The following ANO2 variants were observed in gnomAD, a reference collection of about 807,000 sequenced individuals.
ANO2 encodes the protein anoctamin-2.
Under a neutral mutation model 124.2 loss-of-function variants are expected in ANO2, and 101 were observed. That is an observed-to-expected ratio of 0.81 (90% CI 0.69 to 0.96). The LOEUF (loss-of-function observed/expected upper bound fraction) is 0.96, where lower values mean the gene tolerates loss of function less well. Ranked by LOEUF, ANO2 falls within the 40% of genes least tolerant of loss-of-function variation. The pLI is 0.00. For missense variants in ANO2, 1,293 were observed against 1,274.5 expected (o/e 1.01, Z -0.22); for synonymous variants, 486 against 482.5 (o/e 1.01, Z -0.09).
intron 14 of ANO2, among the ~76,000 whole-genome samples, chr12:5,712,143 T>C (rs1366068330): frequency 2.0e-5 from 3 of 152,216 alleles, no homozygotes; most frequent in East Asian, 1.9e-4. Context: ...TATCAATTAA[T>C]GCTTTAAAAC....
chr12:5,573,370 A>G (rs1942229138), intron 23 of ANO2, among the ~76,000 whole-genome samples: 1 of 152,040 alleles, frequency 6.6e-6, no homozygotes, highest in Non-Finnish European at 1.5e-5. Flanking sequence ...AACTAAAGAA[A>G]CAGACGATGT....
intron 10 of ANO2, among the ~76,000 whole-genome samples, chr12:5,778,101 C>T (rs12307284): frequency 0.15 from 22,380 of 152,164 alleles, 1,819 homozygotes; most frequent in African/African-American, 0.21. Flanking sequence ...TAATTGCATG[C>T]CTACAAGCCA....
At chr12:5,907,006 A>C (rs983875280) in intron 3 of ANO2, among the ~76,000 whole-genome samples, 1 of 152,126 alleles carries the variant, frequency 6.6e-6, no homozygotes, top group African/African-American at 2.4e-5. Context: ...TAACATTTTT[A>C]AATAACAAGA....
At chr12:5,650,939 A>G (rs1178741848) in intron 14 of ANO2, among the ~76,000 whole-genome samples, 5 of 152,262 alleles carry the variant, frequency 3.3e-5, no homozygotes, top group Admixed American at 2.6e-4. Flanking sequence ...GCAGGCACAC[A>G]GAGGTATGAG....
intron 6 of ANO2, among the ~76,000 whole-genome samples, chr12:5,828,491 T>C (rs1421307492): frequency 6.6e-6 from 1 of 152,146 alleles, no homozygotes; most frequent in African/African-American, 2.4e-5. Context: ...ATTGATGTCT[T>C]TATTTCTCTG....
intron 1 of ANO2, 52 bp downstream of exon 1, chr12:5,945,144 T>C (rs1943048175): frequency 3.1e-6 from 4 of 1,274,764 alleles, no homozygotes; most frequent in Middle Eastern, 2.1e-4. Context: ...CTTCACTCCC[T>C]CCCTCCTACC....
intron 1 of ANO2, among the ~76,000 whole-genome samples, chr12:5,935,240 G>A (rs1254102415): frequency 1.3e-5 from 2 of 152,074 alleles, no homozygotes; most frequent in African/African-American, 4.8e-5. Context: ...TGTATCCTAA[G>A]CCCTGAGCAT....
rs755119901 is a variant in ANO2, at chr12:5,854,026, G to A, written c.633+17C>T. 1.6e-5 allele frequency: 25 copies of A among 1,609,192 alleles called. No homozygotes were observed. The highest frequency in any genetic ancestry group is 1.9e-5 in the Non-Finnish European group (22 of 1,176,484). ...AGCCCTCAGGAGGCCCAGAACCCAG[G>A]AGAAACATGCTCATACTTTCTTGGT... On this transcript the variant is annotated intron_variant, in intron 4 of 24. Coordinates refer to ENST00000682330, the MANE Select transcript of ANO2 (RefSeq NM_001364791.2).
intron 3 of ANO2, among the ~76,000 whole-genome samples, chr12:5,874,387 A>C (rs1383187897): frequency 1.3e-5 from 2 of 152,142 alleles, no homozygotes; most frequent in African/African-American, 4.8e-5. Flanking sequence ...CTCTTGCCCT[A>C]TGCAGGCAAG....
intron 20 of ANO2, among the ~76,000 whole-genome samples, chr12:5,588,896 C>T (rs1943254567): frequency 1.3e-5 from 2 of 152,146 alleles, no homozygotes; most frequent in South Asian, 2.1e-4. Flanking sequence ...TATACGACGC[C>T]ATGCCCTAGG....
chr12:5,698,410 A>G (rs1338844657), intron 14 of ANO2, among the ~76,000 whole-genome samples: 1 of 152,210 alleles, frequency 6.6e-6, no homozygotes, highest in Non-Finnish European at 1.5e-5. Context: ...GAAAACTAAC[A>G]AACAGAAAGG....
In ANO2 at chr12:5,596,332, C is replaced by T. The variant is rs113858058; in HGVS notation, c.2233+3152G>A. On this transcript the variant is annotated intron_variant, in intron 20 of 24. Transcript: ENST00000682330. ...TATGTGATAACTTAAAATATTTATCCATATAATGGGAAATAAAAAAATAAA... is the reference window on the plus strand; with the variant it reads ...TATGTGATAACTTAAAATATTTATCTATATAATGGGAAATAAAAAAATAAA... Among the ~76,000 whole-genome samples, 438 of 151,936 alleles carry T rather than the reference C, an allele frequency of 2.9e-3. 6 individuals carry two copies. Among genetic ancestry groups the T allele is most frequent in the African/African-American group, 9.7e-3 (402 of 41,474 alleles).
chr12:5,575,946 C>T lies in ANO2; in HGVS notation c.2509G>A (p.Gly837Arg), dbSNP rs1942376090. ...LVYQYSYSHN[G>R]TLHGFVNHTL... is the part of the protein sequence containing the mutation. Reference sequence around the variant, plus strand: ...TGGTTGACAAAGCCGTGCAGAGTCCCATTGTGACTGTAGGAGTACTGGTAC... The same window carrying T: ...TGGTTGACAAAGCCGTGCAGAGTCCTATTGTGACTGTAGGAGTACTGGTAC... Residue 837 changes from glycine to arginine, a missense_variant, in exon 23 of 25, where the codon GGG (glycine) becomes AGG (arginine). Gly to Arg is a moderately radical substitution (Grantham distance 125). Coordinates refer to ENST00000682330, the MANE Select transcript of ANO2 (RefSeq NM_001364791.2). 6.2e-7 allele frequency: 1 copy of T among 1,613,160 alleles called. No individual in the cohort carries two copies. The highest frequency in any genetic ancestry group is 1.7e-5 in the Admixed American group (1 of 59,946).
chr12:5,623,887 T>G (rs1945255115), intron 16 of ANO2, among the ~76,000 whole-genome samples: 2 of 151,730 alleles, frequency 1.3e-5, no homozygotes, highest in African/African-American at 4.8e-5. Flanking sequence ...GGGGGGTGGG[T>G]GGAGGGACTG....
At chr12:5,646,738 A>C (rs992077521) in intron 15 of ANO2, among the ~76,000 whole-genome samples, 2 of 152,242 alleles carry the variant, frequency 1.3e-5, no homozygotes, top group African/African-American at 4.8e-5. Context: ...ACAAATTTAG[A>C]CTTCTAAACT....
At chr12:5,641,434 C>CG (rs1946389626) in intron 15 of ANO2, among the ~76,000 whole-genome samples, 1 of 151,490 alleles carries the variant, frequency 6.6e-6, no homozygotes, top group South Asian at 2.1e-4. Flanking sequence ...GAAAAAGAAA[C>CG]GGGGACAAGT....
At chr12:5,591,957 C>A (rs1943415221) in intron 20 of ANO2, among the ~76,000 whole-genome samples, 1 of 152,222 alleles carries the variant, frequency 6.6e-6, no homozygotes, top group Non-Finnish European at 1.5e-5. Flanking sequence ...TCATCTCACC[C>A]TGTCCACTAA....
At chr12:5,867,795 A>AC (rs1955469332) in intron 3 of ANO2, among the ~76,000 whole-genome samples, 1 of 151,220 alleles carries the variant, frequency 6.6e-6, no homozygotes, top group African/African-American at 2.4e-5. Flanking sequence ...AAAAAAAAAA[A>AC]AAAAACCAGT....
intron 4 of ANO2, among the ~76,000 whole-genome samples, chr12:5,845,566 C>CA (rs11354500): frequency 1.2e-3 from 120 of 101,394 alleles, no homozygotes; most frequent in African/African-American, 4.0e-3. Flanking sequence ...GACTACATCT[C>CA]AAAAAAAAAA....
Sources: allele counts gnomAD v4.1 joint callset (sites outside exome capture counted in the v4.1 genomes callset), GRCh38; gene constraint gnomAD v4.1.1; transcripts MANE v1.5; gene names NCBI Gene and HGNC (gene_info 2026-07-23, HGNC 2026-07-21).